DISP3: variants seen among roughly 807,000 people sequenced by gnomAD.
DISP3 encodes protein dispatched homolog 3.
Under a neutral mutation model 135.3 loss-of-function variants are expected in DISP3, and 101 were observed. That is an observed-to-expected ratio of 0.75 (90% CI 0.64 to 0.88). DISP3 has a LOEUF of 0.88. Ranked by LOEUF, DISP3 falls within the 40% of genes least tolerant of loss-of-function variation. The probability of loss-of-function intolerance (pLI) is 0.00; values close to 1 mark genes in which losing one functional copy is unlikely to be tolerated. For missense variants in DISP3, 1,713 were observed against 1,878.6 expected, an observed-to-expected ratio of 0.91 and a Z score of 1.63; for synonymous variants, 856 against 817.0, an observed-to-expected ratio of 1.05 and a Z score of -0.81.
At chr1:11,528,763 G>A (rs1642497343) in intron 13 of DISP3, among the ~76,000 whole-genome samples, 1 of 152,190 alleles carries the variant, frequency 6.6e-6, no homozygotes, top group African/African-American at 2.4e-5. Context: ...GTGATGCACG[G>A]GGACTGTGGT....
chr1:11,501,560 T>G lies in DISP3; in HGVS notation c.568T>G (p.Ser190Ala). 6.3e-7 allele frequency: 1 copy of G among 1,588,286 alleles called. No individual in the cohort carries two copies. The highest frequency in any genetic ancestry group is 1.1e-5 in the South Asian group (1 of 88,366). ...TGGCCCAGGCCCTTACCGGGACACT[T>G]CCGCGGCTCAAAAGCCCACAGCCAA... ...LGGPGPYRDT[S>A]AAQKPTANRS... The change falls in exon 2 of 21, where the codon TCC (serine) becomes GCC (alanine). Residue 190 changes from serine (S) to alanine (A), a missense_variant. By Grantham distance (99) the Ser-to-Ala change is moderately conservative (BLOSUM62 1). This residue lies in a region of DISP3 where 571 missense variants were observed against 494.1 expected (regional missense o/e 1.16). Coordinates refer to ENST00000294484, the MANE Select transcript of DISP3 (RefSeq NM_020780.2). This position sits in a 1 kb window ranked among gnomAD's most constrained non-coding sequence, Gnocchi z 4.9.
chr1:11,524,142 G>A, intron 11 of DISP3, 87 bp downstream of exon 11: 1 of 1,037,500 alleles, frequency 9.6e-7, no homozygotes. Flanking sequence ...ATTCCTTCTG[G>A]ATTCTCCTTC....
At chr1:11,486,819 G>A (rs760037614) in intron 1 of DISP3, among the ~76,000 whole-genome samples, 4 of 152,002 alleles carry the variant, frequency 2.6e-5, no homozygotes, top group Non-Finnish European at 4.4e-5. Context: ...TTGGGACTAC[G>A]GGTGCGCATG....
Position 11,519,371 on chromosome 1 carries a change from A to C in DISP3, c.1906A>C (p.Ser636Arg). 1 of 1,613,632 alleles carries C rather than the reference A, an allele frequency of 6.2e-7. No individual in the cohort carries two copies. Among genetic ancestry groups the C allele is most frequent in the Non-Finnish European group, 8.5e-7 (1 of 1,179,930 alleles). Residue 636 changes from serine (S) to arginine (R), a missense_variant, in exon 8 of 21, where the codon AGC (serine) becomes CGC (arginine). Coordinates refer to ENST00000294484, the MANE Select transcript of DISP3 (RefSeq NM_020780.2). This position sits in a 1 kb window ranked among gnomAD's most constrained non-coding sequence, Gnocchi z 4.3. ...TCTCCACAGCTGCCACCAGAATTGC[A>C]GCCGGAAGACCTCCCTGCACTTCCC... ...SCQTSCHQNCSRKTSLHFPGD... is the reference protein window; with the variant it reads ...SCQTSCHQNCRRKTSLHFPGD...
At chr1:11,489,066 C>G (rs1641114178) in intron 1 of DISP3, among the ~76,000 whole-genome samples, 1 of 152,234 alleles carries the variant, frequency 6.6e-6, no homozygotes, top group Non-Finnish European at 1.5e-5. Flanking sequence ...CTGCTGGTCT[C>G]CTCAGCCCTT....
In DISP3 at chr1:11,499,308, G is replaced by A. The variant is rs1006560150; in HGVS notation, c.-3-1682G>A. On this transcript the variant is annotated intron_variant, in intron 1 of 20. Transcript: ENST00000294484. The surrounding 1 kb of genome is among the most constrained non-coding windows in gnomAD (Gnocchi z 5.2). ...TTAGTTCCCAGAAAACTGCAAACACGGCCCCTCCCCTCTCCACCTTATTCC... is the reference window on the plus strand; with the variant it reads ...TTAGTTCCCAGAAAACTGCAAACACAGCCCCTCCCCTCTCCACCTTATTCC... 9.9e-5 allele frequency among the ~76,000 whole-genome samples: 15 copies of A among 152,080 alleles called. No homozygotes were observed. The highest frequency in any genetic ancestry group is 2.2e-4 in the Non-Finnish European group (15 of 68,032).
intron 7 of DISP3, among the ~76,000 whole-genome samples, chr1:11,518,155 T>C (rs1642065466): frequency 6.6e-6 from 1 of 152,134 alleles, no homozygotes; most frequent in African/African-American, 2.4e-5. Flanking sequence ...TGGAGTTGAA[T>C]CAGGCCTGGG....
rs141756354 is a variant in DISP3 at position 11,535,649 on chromosome 1, G to A, written c.3816+5G>A. On this transcript the variant is annotated splice_donor_5th_base_variant and intron_variant, in intron 20 of 20. Transcript: ENST00000294484. ...CTGCCCCCCCACCAGGCCGAGGTGC[G>A]CACCCTGCCCGCCTTACCCACTTCC... The A allele has an allele frequency of 3.7e-5, 59 of 1,608,736 alleles. No individual in the cohort carries two copies. Among genetic ancestry groups the A allele is most frequent in the African/African-American group, 1.2e-4 (9 of 74,934 alleles).
At chr1:11,510,345 C>T (rs1395206632) in intron 3 of DISP3, among the ~76,000 whole-genome samples, 1 of 151,780 alleles carries the variant, frequency 6.6e-6, no homozygotes, top group African/African-American at 2.4e-5. Flanking sequence ...TTAGTAGTTG[C>T]TTTAGGGTTT....
intron 5 of DISP3, among the ~76,000 whole-genome samples, chr1:11,515,762 A>G (rs1174401449): frequency 6.6e-6 from 1 of 151,696 alleles, no homozygotes; most frequent in African/African-American, 2.4e-5. Flanking sequence ...GGAGGTCAGG[A>G]TGTGGGGGAA....
intron 3 of DISP3, among the ~76,000 whole-genome samples, chr1:11,511,719 A>G (rs1641860720): frequency 6.6e-6 from 1 of 152,148 alleles, no homozygotes; most frequent in South Asian, 2.1e-4. Flanking sequence ...TCACAGCTCC[A>G]CTAGGCAGTG....
chr1:11,529,573 A>G lies in DISP3; in HGVS notation c.2816A>G (p.Gln939Arg). 6.4e-7 allele frequency: 1 copy of G among 1,571,724 alleles called. No homozygotes were observed. Among genetic ancestry groups the G allele is most frequent in the Admixed American group, 1.9e-5 (1 of 53,950 alleles). The change falls in exon 14 of 21, where the codon CAG (glutamine) becomes CGG (arginine). Residue 939 changes from glutamine (Q) to arginine (R), a missense_variant. Gln to Arg is a conservative substitution (Grantham distance 43). Coordinates refer to ENST00000294484, the MANE Select transcript of DISP3 (RefSeq NM_020780.2). This position sits in a 1 kb window ranked among gnomAD's most constrained non-coding sequence, Gnocchi z 4.7. ...QQHTRKLYFA[Q>R]SHKPPFHGRV... ...CTCCACAGGAAGCTGTACTTCGCCC[A>G]GTCCCACAAGCCCCCCTTCCACGGG...
rs774307670 is a variant in DISP3 at position 11,535,642 on chromosome 1, G to A, written c.3814G>A (p.Glu1272Lys). ...AGAGAACCTGCCCCCCCACCAGGCC[G>A]AGGTGCGCACCCTGCCCGCCTTACC... The part of the protein sequence containing the change: ...AGENLPPHQA[E>K]DARTQRQWRT... The change falls in exon 20 of 21, where the codon GAG (glutamate) becomes AAG (lysine). Residue 1272 changes from glutamate (E) to lysine (K), a missense_variant and splice_region_variant. Physicochemically the swap from Glu to Lys is moderately conservative, Grantham distance 56. Coordinates refer to ENST00000294484, the MANE Select transcript of DISP3 (RefSeq NM_020780.2). The A allele has an allele frequency of 1.4e-5, 22 of 1,610,758 alleles. No homozygotes were observed. Among genetic ancestry groups the A allele is most frequent in the Middle Eastern group, 3.3e-4 (2 of 6,064 alleles).
rs1045640380 is a variant in DISP3 at position 11,531,451 on chromosome 1, G to A, written c.3230-114G>A. The A allele has an allele frequency of 2.1e-5, 31 of 1,470,504 alleles. 1 individual carries two copies. The Middle Eastern group carries it at 7.7e-4, about 37-fold the overall frequency. The allele number at this position is 1,470,504 out of a possible 1,614,324, so 91.1% of individuals were successfully genotyped here. The stretch of plus-strand genomic sequence containing the variant: ...TAGGTTTCCCAATGCCGTTGCCAAT[G>A]GTTACAAGCACTCTAAGCCTCAGAG... On this transcript the variant is annotated intron_variant, in intron 16 of 20. Coordinates refer to ENST00000294484, the MANE Select transcript of DISP3 (RefSeq NM_020780.2). The surrounding 1 kb of genome is among the most constrained non-coding windows in gnomAD (Gnocchi z 5.2).
chr1:11,533,665 G>A, intron 17 of DISP3: 3 of 658,580 alleles, frequency 4.6e-6, no homozygotes, highest in Non-Finnish European at 5.6e-6. Flanking sequence ...GAGGAGAGAA[G>A]TCCCCACTCA....
intron 1 of DISP3, among the ~76,000 whole-genome samples, chr1:11,495,187 C>T (rs531777279): frequency 7.2e-5 from 11 of 152,096 alleles, no homozygotes; most frequent in East Asian, 1.9e-4. Flanking sequence ...GTCAGGAGTT[C>T]GAGACCAGCC....
At position 11,530,925 on chromosome 1, in the gene DISP3, A is replaced by G. The variant is rs767614532; in HGVS notation, c.3121A>G (p.Ser1041Gly). The G allele has an allele frequency of 4.2e-5, 67 of 1,613,892 alleles. No homozygotes were observed. The highest frequency in any genetic ancestry group is 5.4e-5 in the Non-Finnish European group (64 of 1,179,982). ...GGGAAAGGGTAGTGTTGTCTACGACAGCAGCTTTGACCTCTTCAAGGAAAT... is the reference window on the plus strand; with the variant it reads ...GGGAAAGGGTAGTGTTGTCTACGACGGCAGCTTTGACCTCTTCAAGGAAAT... ...IGDPGSVVYDSSFDLFKEIGH... is the reference protein window; with the variant it reads ...IGDPGSVVYDGSFDLFKEIGH... The change falls in exon 16 of 21, where the codon AGC (serine) becomes GGC (glycine). Residue 1041 changes from serine (S) to glycine (G), a missense_variant. Coordinates refer to ENST00000294484, the MANE Select transcript of DISP3 (RefSeq NM_020780.2).
At chr1:11,479,727 G>T (rs558985116) in intron 1 of DISP3, among the ~76,000 whole-genome samples, 7 of 152,358 alleles carry the variant, frequency 4.6e-5, no homozygotes, top group African/African-American at 1.7e-4. Context: ...GGGATATCTG[G>T]GTCCATAAAA....
rs1275736362 is a variant in DISP3 at position 11,479,159 on chromosome 1, T to G, written c.-217T>G. On this transcript the variant is annotated 5_prime_UTR_variant, in exon 1 of 21. Coordinates refer to ENST00000294484, the MANE Select transcript of DISP3 (RefSeq NM_020780.2). ...CGGCGGCGGAGCGGAGTGCTCGGGT[T>G]GCGAGCTGAGGACTGGGATTCGCGC... The G allele has an allele frequency of 6.4e-6, 1 of 155,350 alleles. No individual in the cohort carries two copies. The highest frequency in any genetic ancestry group is 1.9e-4 in the East Asian group (1 of 5,188). 9.6% of individuals were successfully genotyped at this position (155,350 alleles called of 1,614,324 possible).
Sources: allele counts gnomAD v4.1 joint callset (sites outside exome capture counted in the v4.1 genomes callset), GRCh38; gene constraint gnomAD v4.1.1; regional missense constraint gnomAD v4.1.1; non-coding constraint Gnocchi (gnomAD v3.1); transcripts MANE v1.5; gene names NCBI Gene and HGNC (gene_info 2026-07-23, HGNC 2026-07-21).